PNISR: variants seen among roughly 807,000 people sequenced by gnomAD.
PNISR encodes PNN interacting serine and arginine rich protein.
A neutral mutation model predicts 93.4 loss-of-function variants in PNISR; 20 were observed. The observed-to-expected ratio is 0.21, with a 90% CI of 0.15 to 0.31. The LOEUF (loss-of-function observed/expected upper bound fraction) is 0.31. PNISR is among the 10% of genes least tolerant of loss of function. PNISR has a pLI of 1.00. For synonymous variants in PNISR, 305 were observed against 306.5 expected, an observed-to-expected ratio of 0.99 and a Z score of 0.05; for missense variants, 893 against 985.4, an observed-to-expected ratio of 0.91 and a Z score of 1.25.
chr6:99,425,183 G>C, intron 1 of PNISR, 32 bp downstream of exon 1: 1 of 1,220,098 alleles, frequency 8.2e-7, no homozygotes. Context: ...GGTCCGGCAA[G>C]TGCCCACGTA....
chr6:99,420,556 A>G (rs1053019310), intron 1 of PNISR, among the ~76,000 whole-genome samples: 4 of 152,236 alleles, frequency 2.6e-5, no homozygotes, highest in Non-Finnish European at 5.9e-5. Context: ...TAGTATCTTC[A>G]CTACTAACAA....
At chr6:99,413,000 C>CA (rs1301903531) in intron 3 of PNISR, among the ~76,000 whole-genome samples, 1 of 151,970 alleles carries the variant, frequency 6.6e-6, no homozygotes, top group Non-Finnish European at 1.5e-5. Flanking sequence ...AAGAACTCCA[C>CA]AAAAAACACT....
chr6:99,421,257 G>T (rs184798936), intron 1 of PNISR, among the ~76,000 whole-genome samples: 1 of 152,220 alleles, frequency 6.6e-6, no homozygotes, highest in Non-Finnish European at 1.5e-5. Context: ...AATAACCAAG[G>T]TTTGTATCAG....
At chr6:99,416,185 C>T in intron 2 of PNISR, 164 bp downstream of exon 2, 2 of 387,638 alleles carry the variant, frequency 5.2e-6, no homozygotes, top group Non-Finnish European at 4.6e-6. Flanking sequence ...CCTTCTTCCT[C>T]CCCTTTTTGT....
rs1382693409 is a variant in PNISR at position 99,409,199 on chromosome 6, G to A, written c.647C>T (p.Pro216Leu). Residue 216 changes from proline to leucine, a missense_variant, in exon 6 of 12, where the codon CCT (proline) becomes CTT (leucine). Coordinates refer to ENST00000369239, the MANE Select transcript of PNISR (RefSeq NM_032870.4). ...RDRQRSPIAL[P>L]VKQEPPQIDA... ...AATTTGTGGAGGCTCCTGCTTCACAGGAAGTGCAATAGGTGAACGCTGACG... is the reference window on the plus strand; with the variant it reads ...AATTTGTGGAGGCTCCTGCTTCACAAGAAGTGCAATAGGTGAACGCTGACG... 6.2e-7 allele frequency: 1 copy of A among 1,613,926 alleles called. No homozygotes were observed. The highest frequency in any genetic ancestry group is 1.7e-5 in the Admixed American group (1 of 60,000).
Position 99,402,649 on chromosome 6 carries a change from C to G in PNISR, c.1218G>C (p.Glu406Asp), listed in dbSNP as rs62432267. 1 of 1,612,824 alleles carries G rather than the reference C, an allele frequency of 6.2e-7. No individual in the cohort carries two copies. Among genetic ancestry groups the G allele is most frequent in the Non-Finnish European group, 8.5e-7 (1 of 1,178,920 alleles). ...SEDERSDRGS[E>D]SSDTDDEELR... ...ATTCTTCATCATCAGTGTCAGATGA[C>G]TCAGATCCTCTGTCACTCCTCTCAT... The change falls in exon 11 of 12, where the codon GAG becomes GAC. Residue 406 changes from glutamate (E) to aspartate (D), a missense_variant. Glu to Asp is a conservative substitution (Grantham distance 45). This residue lies in a region of PNISR where 866 missense variants were observed against 935.1 expected (regional missense o/e 0.93). Coordinates refer to ENST00000369239, the MANE Select transcript of PNISR (RefSeq NM_032870.4).
At position 99,409,407 on chromosome 6, in the gene PNISR, G is replaced by C. The variant is rs547177157; in HGVS notation, c.502-63C>G. On this transcript the variant is annotated intron_variant, in intron 5 of 11. Coordinates refer to ENST00000369239, the MANE Select transcript of PNISR (RefSeq NM_032870.4). ...ATACAATATACTCTCTGGGACACAC[G>C]TGTGTTATGAACTGGGACAGTAGAA... 2.1e-6 allele frequency: 3 copies of C among 1,458,192 alleles called. No homozygotes were observed. The African/African-American group carries it at 4.2e-5, about 20-fold the overall frequency. The allele number at this position is 1,458,192 out of a possible 1,614,324, so 90.3% of individuals were successfully genotyped here.
rs867008525 is a variant in PNISR at position 99,410,785 on chromosome 6, G to C, written c.457C>G (p.Pro153Ala). The stretch of plus-strand genomic sequence containing the variant: ...ACTGGCCCCACTGCAAAATTATCGG[G>C]TGGTCCACCAAAGTTGTGATTGTTC... ...NQNNHNFGGPPDNFAVGPVNQ... is the reference protein window; with the variant it reads ...NQNNHNFGGPADNFAVGPVNQ... The change falls in exon 5 of 12, where the codon CCC (proline) becomes GCC (alanine). Residue 153 changes from proline (P) to alanine (A), a missense_variant. Coordinates refer to ENST00000369239, the MANE Select transcript of PNISR (RefSeq NM_032870.4). 2 of 1,614,054 alleles carry C rather than the reference G, an allele frequency of 1.2e-6. No homozygotes were observed. Among genetic ancestry groups the C allele is most frequent in the Middle Eastern group, 3.3e-4 (2 of 6,062 alleles).
intron 11 of PNISR, 47 bp downstream of exon 11, chr6:99,402,493 A>G (rs752069495): frequency 1.5e-6 from 2 of 1,344,400 alleles, no homozygotes; most frequent in Non-Finnish European, 2.0e-6. Flanking sequence ...AAAAATAAAA[A>G]GAAATACAAA....
In PNISR at chr6:99,398,459, A is replaced by G. The variant is rs1775108223; in HGVS notation, c.*2081T>C. On this transcript the variant is annotated 3_prime_UTR_variant, in exon 12 of 12. Transcript: ENST00000369239. Reference sequence around the variant, plus strand: ...AAAGAATTCTCTAAATCTGCCACTAAAAGTCTGAAAAACCCAAATATCAAA... The same window carrying G: ...AAAGAATTCTCTAAATCTGCCACTAGAAGTCTGAAAAACCCAAATATCAAA... The G allele has an allele frequency of 6.6e-6, 1 of 152,156 alleles. No homozygotes were observed. The highest frequency in any genetic ancestry group is 2.4e-5 in the African/African-American group (1 of 41,468). 9.4% of individuals were successfully genotyped at this position (152,156 alleles called of 1,614,324 possible). A position where few individuals can be genotyped will look rare whatever the true frequency, so the allele number is the denominator to read the frequency against.
intron 3 of PNISR, among the ~76,000 whole-genome samples, chr6:99,413,817 A>G (rs1031043888): frequency 6.6e-6 from 1 of 152,202 alleles, no homozygotes; most frequent in East Asian, 1.9e-4. Flanking sequence ...CATAACCCCT[A>G]TGGGGTTACA....
At chr6:99,407,800 A>G (rs1776349207) in intron 7 of PNISR, among the ~76,000 whole-genome samples, 1 of 152,228 alleles carries the variant, frequency 6.6e-6, no homozygotes, top group Non-Finnish European at 1.5e-5. Context: ...TTTATAATCT[A>G]TCACCAGGGA....
intron 1 of PNISR, among the ~76,000 whole-genome samples, chr6:99,424,095 C>T (rs1161440316): frequency 6.6e-6 from 1 of 152,170 alleles, no homozygotes; most frequent in Non-Finnish European, 1.5e-5. Context: ...CAGCCCTTAA[C>T]AGTCATCAAA....
Position 99,402,705 on chromosome 6 carries a change from G to C in PNISR, c.1162C>G (p.Leu388Val). The change falls in exon 11 of 12, where the codon CTG (leucine) becomes GTG (valine). Residue 388 changes from leucine to valine, a missense_variant. This residue lies in a region of PNISR where 866 missense variants were observed against 935.1 expected (regional missense o/e 0.93). Coordinates refer to ENST00000369239, the MANE Select transcript of PNISR (RefSeq NM_032870.4). ...CTGTCTCCTGATCCATAACCACCCA[G>C]TCCACCTGTGTGCATAAAGCTCAGT... ...ALASLTGLGG[L>V]GGYGSGDSED... 1 of 1,572,694 alleles carries C rather than the reference G, an allele frequency of 6.4e-7. No individual in the cohort carries two copies. Among genetic ancestry groups the C allele is most frequent in the Non-Finnish European group, 8.7e-7 (1 of 1,154,808 alleles).
chr6:99,400,941 T>C lies in PNISR; in HGVS notation c.2017A>G (p.Ile673Val), dbSNP rs559252635. 2.8e-4 allele frequency: 445 copies of C among 1,577,816 alleles called. 4 individuals are homozygous for C. In the South Asian group the frequency reaches 4.6e-3, roughly 16 times the overall value. The change falls in exon 12 of 12, where the codon ATA (isoleucine) becomes GTA (valine). Residue 673 changes from isoleucine (I) to valine (V), a missense_variant. By Grantham distance (29) the Ile-to-Val change is conservative. Transcript: ENST00000369239. ...TCTTTCTTTTTCCTATCTTTATCTA[T>C]ACTTCGACTCCTCTCCTTTTTCCTC... The part of the protein sequence containing the change: ...QERKKERSRS[I>V]DKDRKKKDKE...
intron 4 of PNISR, 163 bp from the exon 5 acceptor site, chr6:99,411,127 G>T: frequency 1.7e-6 from 1 of 603,612 alleles, no homozygotes; most frequent in East Asian, 2.8e-5. Context: ...AATAAGCAAT[G>T]AACTAAACTG....
In PNISR at chr6:99,400,296, G is replaced by A. The variant is rs978947204; in HGVS notation, c.*244C>T. On this transcript the variant is annotated 3_prime_UTR_variant, in exon 12 of 12. Transcript: ENST00000369239. ...ACATCATTCCTCAGCGTTTACGACG[G>A]GGAGGGGTTGTTGATCTGAAAAAAA... 25 of 1,050,162 alleles carry A rather than the reference G, an allele frequency of 2.4e-5. No individual in the cohort carries two copies. Among genetic ancestry groups the A allele is most frequent in the Admixed American group, 5.0e-5 (1 of 20,074 alleles). 65.1% of individuals were successfully genotyped at this position (1,050,162 alleles called of 1,614,324 possible).
chr6:99,415,931 C>G (rs576157167), intron 2 of PNISR: 1 of 152,888 alleles, frequency 6.5e-6, no homozygotes, highest in South Asian at 2.1e-4. Context: ...ATAGTTCTAT[C>G]TGCGGCAGAT....
At chr6:99,408,035 C>A in intron 7 of PNISR, 46 bp downstream of exon 7, 1 of 1,422,324 alleles carries the variant, frequency 7.0e-7, no homozygotes, top group Non-Finnish European at 9.6e-7. Flanking sequence ...AGTTTTCACA[C>A]AACCAAGATT....
Sources: gnomAD v4.1 joint callset for allele counts (sites outside exome capture counted in the v4.1 genomes callset) on GRCh38, gnomAD v4.1.1 for gene constraint, gnomAD v4.1.1 regional missense constraint, MANE v1.5 for transcripts, NCBI Gene and HGNC (gene_info 2026-07-23, HGNC 2026-07-21) for gene names.